The following SLC13A1 variants were observed in gnomAD, a reference collection of about 807,000 sequenced individuals.
SLC13A1 encodes Na(+)/sulfate cotransporter.
Under a neutral mutation model 70.0 loss-of-function variants are expected in SLC13A1, and 65 were observed. The ratio of observed to expected loss-of-function variants is 0.93; its 90% CI spans 0.76 to 1.14. The LOEUF (loss-of-function observed/expected upper bound fraction) is 1.14. SLC13A1 is among the 50% of genes most tolerant of loss of function. The pLI is 0.00. For synonymous variants in SLC13A1, 275 were observed against 250.5 expected, an observed-to-expected ratio of 1.10 and a Z score of -0.92; for missense variants, 726 against 717.8, an observed-to-expected ratio of 1.01 and a Z score of -0.13.
intron 12 of SLC13A1, 38 bp downstream of exon 12, chr7:123,123,088 C>A: frequency 1.4e-6 from 2 of 1,386,874 alleles, no homozygotes; most frequent in South Asian, 1.2e-5. Flanking sequence ...TTTGAACAGT[C>A]TGGTTAATTG....
At chr7:123,127,363 T>C (rs1288783127) in intron 10 of SLC13A1, among the ~76,000 whole-genome samples, 2 of 152,082 alleles carry the variant, frequency 1.3e-5, no homozygotes, top group Non-Finnish European at 2.9e-5. Context: ...TATATTGAAT[T>C]ACCTATTGGG....
chr7:123,140,949 A>G (rs1398534116), intron 7 of SLC13A1, among the ~76,000 whole-genome samples: 2 of 151,916 alleles, frequency 1.3e-5, no homozygotes, highest in East Asian at 1.9e-4. Context: ...TTCTTCTACT[A>G]ACTTTGGGTT....
intron 2 of SLC13A1, among the ~76,000 whole-genome samples, chr7:123,172,593 C>A (rs1444124475): frequency 6.6e-6 from 1 of 152,176 alleles, no homozygotes; most frequent in African/African-American, 2.4e-5. Context: ...TGCACTCTAG[C>A]CTGGGCGACA....
chr7:123,160,565 G>A (rs976131378), intron 6 of SLC13A1, among the ~76,000 whole-genome samples: 2 of 152,130 alleles, frequency 1.3e-5, no homozygotes, highest in Non-Finnish European at 2.9e-5. Context: ...AGAGCACAGA[G>A]ATTTGAGAAG....
At chr7:123,116,824 T>A (rs1215943880) in intron 14 of SLC13A1, among the ~76,000 whole-genome samples, 1 of 152,138 alleles carries the variant, frequency 6.6e-6, no homozygotes, top group African/African-American at 2.4e-5. Context: ...ATCATTTGGG[T>A]TGGTTTGGAA....
At chr7:123,121,777 T>C (rs1793390026) in intron 12 of SLC13A1, among the ~76,000 whole-genome samples, 1 of 152,142 alleles carries the variant, frequency 6.6e-6, no homozygotes, top group Non-Finnish European at 1.5e-5. Flanking sequence ...TGTTCCCAAC[T>C]AGAAAGAGTA....
intron 10 of SLC13A1, among the ~76,000 whole-genome samples, chr7:123,128,287 C>T (rs1026541082): frequency 2.0e-5 from 3 of 152,036 alleles, no homozygotes; most frequent in Non-Finnish European, 4.4e-5. Flanking sequence ...GGGTAAAAAT[C>T]ACATAATATG....
At chr7:123,189,109 C>A (rs1263771139) in intron 1 of SLC13A1, among the ~76,000 whole-genome samples, 1 of 53,214 alleles carries the variant, frequency 1.9e-5, no homozygotes, top group Non-Finnish European at 3.4e-5. Context: ...AGCGAGACTC[C>A]GTCTCAAAAA....
chr7:123,173,454 AATT>A (rs1795339650), intron 2 of SLC13A1, among the ~76,000 whole-genome samples: 1 of 152,154 alleles, frequency 6.6e-6, no homozygotes, highest in South Asian at 2.1e-4. Flanking sequence ...CTCATTGAAA[AATT>A]ATCCATATGC....
At chr7:123,164,496 A>G (rs1327249825) in intron 6 of SLC13A1, among the ~76,000 whole-genome samples, 6 of 151,944 alleles carry the variant, frequency 3.9e-5, no homozygotes, top group Non-Finnish European at 8.8e-5. Flanking sequence ...ATCAAATTGT[A>G]ATAATTTCAT....
chr7:123,129,324 CTGTG>C (rs3837116), intron 9 of SLC13A1, 55 bp downstream of exon 9: 59,834 of 765,598 alleles, frequency 0.078, 1,343 homozygotes, highest in South Asian at 0.12. Context: ...TCTCTCTTCT[CTGTG>C]TGTGTGTGTG....
chr7:123,190,189 A>G (rs1795949640), intron 1 of SLC13A1, among the ~76,000 whole-genome samples: 2 of 152,200 alleles, frequency 1.3e-5, no homozygotes, highest in Non-Finnish European at 2.9e-5. Context: ...TATAAGAGAC[A>G]TACCCTGGTT....
intron 14 of SLC13A1, among the ~76,000 whole-genome samples, chr7:123,116,393 G>T (rs1197502379): frequency 6.6e-6 from 1 of 152,216 alleles, no homozygotes; most frequent in African/African-American, 2.4e-5. Context: ...CAATGGCAGA[G>T]TTGAGTAGTT....
chr7:123,167,092 G>C (rs1795102220), intron 6 of SLC13A1, among the ~76,000 whole-genome samples: 1 of 152,178 alleles, frequency 6.6e-6, no homozygotes, highest in South Asian at 2.1e-4. Context: ...TTACACTGTT[G>C]GTGGGACTGT....
At position 123,115,404 on chromosome 7, in the gene SLC13A1, G is replaced by T; in HGVS notation, c.*114C>A. ...TCGGGTATTCACAGGAATTGCAGCA[G>T]CTACACCATAACTGATTTAAATGTG... On this transcript the variant is annotated 3_prime_UTR_variant, in exon 15 of 15. Coordinates refer to ENST00000194130, the MANE Select transcript of SLC13A1 (RefSeq NM_022444.4). 1 of 1,085,938 alleles carries T rather than the reference G, an allele frequency of 9.2e-7. No individual in the cohort carries two copies. The highest frequency in any genetic ancestry group is 1.3e-6 in the Non-Finnish European group (1 of 754,956). The allele number at this position is 1,085,938 out of a possible 1,614,324, so 67.3% of individuals were successfully genotyped here.
intron 6 of SLC13A1, among the ~76,000 whole-genome samples, chr7:123,158,998 G>A (rs1293645048): frequency 6.6e-6 from 1 of 151,882 alleles, no homozygotes; most frequent in Non-Finnish European, 1.5e-5. Context: ...GGTGAACAAA[G>A]ATATTAATAA....
intron 10 of SLC13A1, among the ~76,000 whole-genome samples, chr7:123,126,493 C>T (rs1166421527): frequency 6.6e-6 from 1 of 152,126 alleles, no homozygotes; most frequent in Non-Finnish European, 1.5e-5. Context: ...GCAATATTAA[C>T]TAGTGCATTT....
At chr7:123,134,112 C>G (rs909755589) in intron 8 of SLC13A1, among the ~76,000 whole-genome samples, 7 of 151,982 alleles carry the variant, frequency 4.6e-5, no homozygotes, top group African/African-American at 1.5e-4. Flanking sequence ...CTCTTGAACT[C>G]AGAGAGGATT....
intron 6 of SLC13A1, among the ~76,000 whole-genome samples, chr7:123,153,933 A>G (rs934014806): frequency 1.3e-5 from 2 of 152,104 alleles, no homozygotes; most frequent in Non-Finnish European, 2.9e-5. Flanking sequence ...CTTAATCATG[A>G]GCTTAGTGGT....
Sources: gnomAD v4.1 joint callset for allele counts (sites outside exome capture counted in the v4.1 genomes callset) on GRCh38, gnomAD v4.1.1 for gene constraint, MANE v1.5 for transcripts, NCBI Gene and HGNC (gene_info 2026-07-23, HGNC 2026-07-21) for gene names.